The following DST variants were observed in gnomAD, a reference collection of about 807,000 sequenced individuals.
DST encodes the protein bullous pemphigoid antigen.
In DST, 253 loss-of-function variants were observed where a neutral mutation model predicts 875.2. The observed-to-expected ratio is 0.29, with a 90% CI of 0.26 to 0.32. The LOEUF (loss-of-function observed/expected upper bound fraction) is 0.32, where lower values mean the gene tolerates loss of function less well. Among genes scored for constraint, DST ranks in the 10% least tolerant of loss-of-function variants. The pLI is 1.00. For missense variants in DST, 8,287 were observed against 9,111.6 expected (o/e 0.91, Z 3.68); for synonymous variants, 3,124 against 3,197.1 (o/e 0.98, Z 0.77).
chr6:56,792,753 C>T (rs2099729844), intron 4 of DST, among the ~76,000 whole-genome samples: 1 of 152,056 alleles, frequency 6.6e-6, no homozygotes, highest in Admixed American at 6.5e-5. Context: ...AAGACAAACC[C>T]AGATTGTGGG....
chr6:56,827,824 A>G (rs1187234822), intron 4 of DST, among the ~76,000 whole-genome samples: 3 of 152,310 alleles, frequency 2.0e-5, no homozygotes, highest in East Asian at 3.9e-4. Flanking sequence ...AAATGATAAG[A>G]AACGGAGTTG....
intron 3 of DST, among the ~76,000 whole-genome samples, chr6:56,870,688 G>A (rs1296415162): frequency 2.6e-5 from 4 of 151,862 alleles, no homozygotes; most frequent in Non-Finnish European, 4.4e-5. Flanking sequence ...ACTTGAACCC[G>A]GGAGGTAGAG....
chr6:56,590,881 G>A (rs562107640), intron 49 of DST, among the ~76,000 whole-genome samples: 11 of 152,258 alleles, frequency 7.2e-5, no homozygotes, highest in East Asian at 5.8e-4. Context: ...CATTTCACCC[G>A]GGTATGACTT....
At chr6:56,840,449 GAA>G (rs2099798637) in intron 4 of DST, among the ~76,000 whole-genome samples, 1 of 152,056 alleles carries the variant, frequency 6.6e-6, no homozygotes, top group South Asian at 2.1e-4. Context: ...TTATTCAGCC[GAA>G]GTTTGGTATC....
chr6:56,758,397 G>A (rs1415055557), intron 4 of DST, among the ~76,000 whole-genome samples: 1 of 152,078 alleles, frequency 6.6e-6, no homozygotes, highest in Non-Finnish European at 1.5e-5. Flanking sequence ...TAACAACCTA[G>A]ATGGCAAAGC....
intron 4 of DST, among the ~76,000 whole-genome samples, chr6:56,816,040 C>T (rs34425815): frequency 0.12 from 18,625 of 152,052 alleles, 1,582 homozygotes; most frequent in Non-Finnish European, 0.19. Flanking sequence ...CTCCACTCTC[C>T]GTGAGATTTT....
chr6:56,767,925 G>A (rs1456106202), intron 4 of DST, among the ~76,000 whole-genome samples: 5 of 152,164 alleles, frequency 3.3e-5, no homozygotes, highest in Non-Finnish European at 7.4e-5. Flanking sequence ...TATGCCTGGT[G>A]TACTCAAACA....
chr6:56,648,789 G>T, intron 12 of DST, 100 bp from the exon 13 acceptor site: 2 of 1,012,968 alleles, frequency 2.0e-6, no homozygotes, highest in Non-Finnish European at 1.4e-6. Flanking sequence ...GTATGTATTT[G>T]AAGCCTGACA....
intron 10 of DST, among the ~76,000 whole-genome samples, chr6:56,661,969 T>G (rs979020457): frequency 6.6e-6 from 1 of 152,148 alleles, no homozygotes; most frequent in African/African-American, 2.4e-5. Flanking sequence ...TCGTAATACA[T>G]GCATGCTTAG....
chr6:56,515,296 G>A (rs1326187711), intron 72 of DST, among the ~76,000 whole-genome samples, 154 bp downstream of exon 72: 1 of 152,080 alleles, frequency 6.6e-6, no homozygotes, highest in Non-Finnish European at 1.5e-5. Context: ...CCCTGTATAA[G>A]AAGCAATTAT....
chr6:56,553,554 G>C lies in DST; in HGVS notation c.15238C>G (p.Gln5080Glu). ...GCAGATATTGGATGAGATTTGTTTT[G>C]CTCTTCTTTCTTTGTATCCAGCCAA... ...QAWLDTKKEE[Q>E]NKSHPISAKL... The change falls in exon 61 of 104, where the codon CAA becomes GAA. Residue 5080 changes from glutamine (Q) to glutamate (E), a missense_variant. Physicochemically the swap from Gln to Glu is conservative, Grantham distance 29. Coordinates refer to ENST00000680361, the MANE Select transcript of DST (RefSeq NM_001374736.1). 1 of 1,613,838 alleles carries C rather than the reference G, an allele frequency of 6.2e-7. No individual in the cohort carries two copies.
chr6:56,845,116 G>A (rs2099805773), intron 4 of DST, among the ~76,000 whole-genome samples: 1 of 152,144 alleles, frequency 6.6e-6, no homozygotes, highest in African/African-American at 2.4e-5. Context: ...CATCCAGGCT[G>A]GAGTACAGTG....
At chr6:56,564,880 G>A (rs527875960) in intron 55 of DST, among the ~76,000 whole-genome samples, 2 of 152,022 alleles carry the variant, frequency 1.3e-5, no homozygotes, top group East Asian at 3.9e-4. Context: ...TTTATTGATT[G>A]GGTATGAACC....
chr6:56,471,944 A>G, intron 94 of DST, 115 bp downstream of exon 94: 1 of 1,031,222 alleles, frequency 9.7e-7, no homozygotes, highest in South Asian at 1.3e-5. Context: ...CTCAAATAGC[A>G]AGAGTTTGCT....
intron 2 of DST, among the ~76,000 whole-genome samples, chr6:56,944,457 C>CT (rs201541727): frequency 1.1e-4 from 17 of 150,862 alleles, no homozygotes; most frequent in African/African-American, 2.2e-4. Context: ...AAGAGTTACC[C>CT]TTTTTTTTTG....
At chr6:56,689,905 T>C (rs750405188) in intron 9 of DST, among the ~76,000 whole-genome samples, 10 of 152,100 alleles carry the variant, frequency 6.6e-5, no homozygotes, top group Admixed American at 1.3e-4. Flanking sequence ...TGGAAAGAGC[T>C]CAAGGACAAA....
At chr6:56,835,972 G>A (rs1373774497) in intron 4 of DST, among the ~76,000 whole-genome samples, 1 of 151,970 alleles carries the variant, frequency 6.6e-6, no homozygotes, top group African/African-American at 2.4e-5. Flanking sequence ...AAATCTTCTC[G>A]ACCCAAATAC....
At chr6:56,732,767 A>G (rs1381273807) in intron 5 of DST, among the ~76,000 whole-genome samples, 1 of 152,228 alleles carries the variant, frequency 6.6e-6, no homozygotes, top group Non-Finnish European at 1.5e-5. Context: ...ACAATAAGTT[A>G]AGAAAAGTAA....
intron 3 of DST, among the ~76,000 whole-genome samples, chr6:56,890,756 A>G (rs984912320): frequency 6.6e-6 from 1 of 152,144 alleles, no homozygotes; most frequent in Non-Finnish European, 1.5e-5. Flanking sequence ...AGTAGCTAAA[A>G]CTGCACAGTC....
Sources: gnomAD v4.1 joint callset for allele counts (sites outside exome capture counted in the v4.1 genomes callset) on GRCh38, gnomAD v4.1.1 for gene constraint, MANE v1.5 for transcripts, NCBI Gene and HGNC (gene_info 2026-07-23, HGNC 2026-07-21) for gene names.